Variants in SNAP91 observed in about 807,000 individuals in gnomAD.
SNAP91 encodes the protein synaptosome associated protein 91, also known as clathrin coat assembly protein AP180.
Under a neutral mutation model 100.3 loss-of-function variants are expected in SNAP91, and 27 were observed. The observed-to-expected ratio is 0.27, with a 90% CI of 0.20 to 0.37. The LOEUF (loss-of-function observed/expected upper bound fraction) is 0.37, where lower values mean the gene tolerates loss of function less well. Ranked by LOEUF, SNAP91 falls within the 10% of genes least tolerant of loss-of-function variation. The pLI is 1.00. For missense variants in SNAP91, 986 were observed against 1,123.7 expected, an observed-to-expected ratio of 0.88 and a Z score of 1.75; for synonymous variants, 404 against 398.6, an observed-to-expected ratio of 1.01 and a Z score of -0.16.
In SNAP91 at chr6:83,601,254, C is replaced by T; in HGVS notation, c.1324+17G>A. 6.2e-7 allele frequency: 1 copy of T among 1,611,808 alleles called. No homozygotes were observed. The highest frequency in any genetic ancestry group is 2.2e-5 in the East Asian group (1 of 44,852). On this transcript the variant is annotated intron_variant, in intron 16 of 29. Coordinates refer to ENST00000369694, the MANE Select transcript of SNAP91 (RefSeq NM_001242792.2). Reference sequence around the variant, plus strand: ...AGCAATCCTGAAAAAATGAAAGTAGCAGCGAGACTAACTAACCTCCAAAGA... The same window carrying T: ...AGCAATCCTGAAAAAATGAAAGTAGTAGCGAGACTAACTAACCTCCAAAGA...
chr6:83,684,635 A>G (rs908414936), intron 2 of SNAP91, among the ~76,000 whole-genome samples: 3 of 152,186 alleles, frequency 2.0e-5, no homozygotes, highest in Non-Finnish European at 4.4e-5. Flanking sequence ...CTAGAATGCA[A>G]GCTTTGCTTC....
In SNAP91 at chr6:83,623,438, A is replaced by G; in HGVS notation, c.766-96T>C. ...CTACACAATTAGTTTAAACAGCTCA[A>G]TATTGGTGTAAATGAATTATTTTAT... On this transcript the variant is annotated intron_variant, in intron 8 of 29. Transcript: ENST00000369694. The G allele has an allele frequency of 2.0e-5, 16 of 813,368 alleles. No individual in the cohort carries two copies. In the South Asian group the frequency reaches 2.1e-4, roughly 11 times the overall value. The allele number at this position is 813,368 out of a possible 1,614,324, so 50.4% of individuals were successfully genotyped here. A position where few individuals can be genotyped will look rare whatever the true frequency, so the allele number is the denominator to read the frequency against.
intron 26 of SNAP91, among the ~76,000 whole-genome samples, chr6:83,565,878 T>A (rs1471504531): frequency 6.6e-6 from 1 of 152,178 alleles, no homozygotes; most frequent in African/African-American, 2.4e-5. Flanking sequence ...TAAAATAATG[T>A]AGCTGCTATG....
At chr6:83,616,111 T>C (rs958843728) in intron 10 of SNAP91, among the ~76,000 whole-genome samples, 2 of 151,864 alleles carry the variant, frequency 1.3e-5, no homozygotes, top group African/African-American at 2.4e-5. Context: ...AAATCATACA[T>C]GTAAAAAAAG....
chr6:83,621,627 A>T (rs529642070), intron 9 of SNAP91, among the ~76,000 whole-genome samples: 40 of 152,310 alleles, frequency 2.6e-4, no homozygotes, highest in South Asian at 1.2e-3. Flanking sequence ...CAAGTATATG[A>T]TTTCAATGAT....
intron 2 of SNAP91, among the ~76,000 whole-genome samples, chr6:83,696,090 T>A (rs1161275022): frequency 6.6e-6 from 1 of 152,036 alleles, no homozygotes; most frequent in Non-Finnish European, 1.5e-5. Context: ...AAAACCAGAA[T>A]GTTACATGTT....
At chr6:83,695,136 G>A (rs2099183535) in intron 2 of SNAP91, among the ~76,000 whole-genome samples, 1 of 151,650 alleles carries the variant, frequency 6.6e-6, no homozygotes, top group Admixed American at 6.6e-5. Flanking sequence ...AATTAGCTGG[G>A]TGTGTTGGCA....
intron 7 of SNAP91, among the ~76,000 whole-genome samples, chr6:83,645,615 G>A (rs1369151218): frequency 6.6e-6 from 1 of 152,130 alleles, no homozygotes; most frequent in Non-Finnish European, 1.5e-5. Flanking sequence ...GGGAGGCTGA[G>A]GTGGGAAGAC....
intron 12 of SNAP91, among the ~76,000 whole-genome samples, chr6:83,609,276 T>C (rs2095840678): frequency 6.6e-6 from 1 of 152,130 alleles, no homozygotes; most frequent in Non-Finnish European, 1.5e-5. Flanking sequence ...AAAATTCAAT[T>C]TGGCCAAAAT....
intron 26 of SNAP91, among the ~76,000 whole-genome samples, chr6:83,565,921 T>C (rs987627634): frequency 1.3e-5 from 2 of 152,124 alleles, no homozygotes; most frequent in Non-Finnish European, 2.9e-5. Context: ...AAGTTAAACA[T>C]CGACTTACAC....
chr6:83,574,967 T>C, intron 26 of SNAP91, 43 bp downstream of exon 26: 2 of 1,334,006 alleles, frequency 1.5e-6, no homozygotes, highest in Non-Finnish European at 2.1e-6. Flanking sequence ...ACTTGGAAAC[T>C]GGCAAACTGC....
At position 83,704,734 on chromosome 6, in the gene SNAP91, C is replaced by T. The variant is rs143741393; in HGVS notation, c.130+3064G>A. ...ACCATAAATCTGTTTTTATAATCTTCCAATCTAAACTCCAAACTAAAAAGT... is the reference window on the plus strand; with the variant it reads ...ACCATAAATCTGTTTTTATAATCTTTCAATCTAAACTCCAAACTAAAAAGT... On this transcript the variant is annotated intron_variant, in intron 2 of 29. Transcript: ENST00000369694. Among the ~76,000 whole-genome samples, 128 of 152,080 alleles carry T rather than the reference C, an allele frequency of 8.4e-4. 1 individual carries two copies. The highest frequency in any genetic ancestry group is 1.5e-3 in the Non-Finnish European group (105 of 67,950).
In SNAP91 at chr6:83,560,884, G is replaced by T. The variant is rs766775905; in HGVS notation, c.2506C>A (p.Pro836Thr). 1.2e-6 allele frequency: 2 copies of T among 1,613,722 alleles called. No individual in the cohort carries two copies. Among genetic ancestry groups the T allele is most frequent in the African/African-American group, 2.7e-5 (2 of 75,014 alleles). The change falls in exon 27 of 30, where the codon CCT becomes ACT. Residue 836 changes from proline (P) to threonine (T), a missense_variant. Pro to Thr is a conservative substitution (Grantham distance 38). This residue lies in a region of SNAP91 where 575 missense variants were observed against 579.9 expected (regional missense o/e 0.99). Coordinates refer to ENST00000369694, the MANE Select transcript of SNAP91 (RefSeq NM_001242792.2). ...PVAGAPSVGQPGAGFGMPPAG... is the reference protein window; with the variant it reads ...PVAGAPSVGQTGAGFGMPPAG... ...CTCACCATTCCAAATCCTGCTCCAG[G>T]TTGTCCAACCGATGGGGCCCCGGCA...
Position 83,641,193 on chromosome 6 carries a change from A to G in SNAP91, c.668T>C (p.Phe223Ser). ...TTTACATTGTCCTTTCTTCATTTCA[A>G]AAAACTTTTCTAGAGAAGATAAAGA... ...DGVINLLEKF[F>S]EMKKGQCKDA... The change falls in exon 8 of 30, where the codon TTT becomes TCT. Residue 223 changes from phenylalanine to serine, a missense_variant. Physicochemically the swap from Phe to Ser is radical, Grantham distance 155. Around this residue, in one of 4 missense-constraint regions of SNAP91, gnomAD observed 330 missense variants for 447.5 expected, o/e 0.74. Coordinates refer to ENST00000369694, the MANE Select transcript of SNAP91 (RefSeq NM_001242792.2). 1 of 1,449,918 alleles carries G rather than the reference A, an allele frequency of 6.9e-7. No individual in the cohort carries two copies. Among genetic ancestry groups the G allele is most frequent in the Non-Finnish European group, 9.2e-7 (1 of 1,088,822 alleles). The allele number at this position is 1,449,918 out of a possible 1,614,324, so 89.8% of individuals were successfully genotyped here. A position where few individuals can be genotyped will look rare whatever the true frequency, so the allele number is the denominator to read the frequency against.
chr6:83,702,966 A>C (rs993374850), intron 2 of SNAP91, among the ~76,000 whole-genome samples: 1 of 152,048 alleles, frequency 6.6e-6, no homozygotes, highest in Non-Finnish European at 1.5e-5. Flanking sequence ...CTCCTAGGAC[A>C]CTGAGCATCT....
At chr6:83,620,801 T>C (rs2096686388) in intron 9 of SNAP91, among the ~76,000 whole-genome samples, 1 of 151,702 alleles carries the variant, frequency 6.6e-6, no homozygotes, top group African/African-American at 2.4e-5. Flanking sequence ...AAGCTCCACC[T>C]CCCGGGTTCA....
At chr6:83,583,771 T>A (rs192540183) in intron 22 of SNAP91, among the ~76,000 whole-genome samples, 1 of 152,354 alleles carries the variant, frequency 6.6e-6, no homozygotes, top group African/African-American at 2.4e-5. Context: ...TAGAATCGAT[T>A]TATAATTTTG....
chr6:83,659,094 T>C lies in SNAP91; in HGVS notation c.453-2A>G. 1.3e-6 allele frequency: 2 copies of C among 1,524,738 alleles called. No homozygotes were observed. The highest frequency in any genetic ancestry group is 2.1e-5 in the Admixed American group (1 of 48,024). The allele number at this position is 1,524,738 out of a possible 1,614,324, so 94.5% of individuals were successfully genotyped here. ...ATTGTCCTCATTACACCATCGGCCC[T>C]ACAATTAAAAAAAAAAAAAAGGTAC... is the stretch of plus-strand genomic sequence containing the variant. On this transcript the variant is annotated splice_acceptor_variant, in intron 5 of 29. Transcript: ENST00000369694. LOFTEE classifies it high-confidence loss of function.
intron 2 of SNAP91, among the ~76,000 whole-genome samples, chr6:83,695,855 G>C (rs914159247): frequency 2.7e-5 from 4 of 148,884 alleles, no homozygotes; most frequent in Non-Finnish European, 5.9e-5. Flanking sequence ...ATGTCACCAA[G>C]GAACACAGTC....
Sources: gnomAD v4.1 joint callset for allele counts (sites outside exome capture counted in the v4.1 genomes callset) on GRCh38, gnomAD v4.1.1 for gene constraint, gnomAD v4.1.1 regional missense constraint, MANE v1.5 for transcripts, NCBI Gene and HGNC (gene_info 2026-07-23, HGNC 2026-07-21) for gene names.